Variants in SUSD4 observed in about 807,000 individuals in gnomAD.
The protein encoded by SUSD4 is sushi domain-containing protein 4.
A neutral mutation model predicts 50.5 loss-of-function variants in SUSD4; 41 were observed. That is an observed-to-expected ratio of 0.81 (90% CI 0.63 to 1.05). SUSD4 has a LOEUF of 1.05. Among genes scored for constraint, SUSD4 ranks in the 50% least tolerant of loss-of-function variants. The pLI is 0.00. For synonymous variants in SUSD4, 257 were observed against 257.3 expected (o/e 1.00, Z 0.01); for missense variants, 580 against 634.7 (o/e 0.91, Z 0.93).
At position 223,255,371 on chromosome 1, in the gene SUSD4, G is replaced by T. The variant is rs186820368; in HGVS notation, c.724+9259C>A. Among the ~76,000 whole-genome samples the T allele has an allele frequency of 2.9e-3, 441 of 152,282 alleles. 2 individuals are homozygous for T. The highest frequency in any genetic ancestry group is 6.8e-3 in the Middle Eastern group (2 of 294). ...TGAAGGCTGGGAGTCTAAAGAGGTTGGGGGGTGGGAGGTTTCTATGACCCA... is the reference window on the plus strand; with the variant it reads ...TGAAGGCTGGGAGTCTAAAGAGGTTTGGGGGTGGGAGGTTTCTATGACCCA... On this transcript the variant is annotated intron_variant, in intron 5 of 8. Transcript: ENST00000366878.
intron 3 of SUSD4, among the ~76,000 whole-genome samples, chr1:223,274,312 A>G (rs960214624): frequency 8.5e-5 from 13 of 152,212 alleles, no homozygotes; most frequent in African/African-American, 3.1e-4. Context: ...GCAAAAATCA[A>G]TGCTCTTCAG....
At chr1:223,230,290 G>A (rs1659807244) in intron 5 of SUSD4, among the ~76,000 whole-genome samples, 1 of 151,936 alleles carries the variant, frequency 6.6e-6, no homozygotes, top group Non-Finnish European at 1.5e-5. Flanking sequence ...GAAATAAACA[G>A]TGCTGCTGCT....
At chr1:223,292,996 T>C (rs749516121) in intron 2 of SUSD4, among the ~76,000 whole-genome samples, 4 of 152,136 alleles carry the variant, frequency 2.6e-5, no homozygotes, top group African/African-American at 9.7e-5. Flanking sequence ...GTGGGAGGGA[T>C]TCAAGGAGAT....
chr1:223,331,538 A>G (rs1046547561), intron 2 of SUSD4, among the ~76,000 whole-genome samples: 16 of 152,224 alleles, frequency 1.1e-4, no homozygotes, highest in African/African-American at 3.6e-4. Context: ...ACGGCCTGGC[A>G]ATCACAGTCT....
chr1:223,268,433 T>A, intron 4 of SUSD4, 69 bp downstream of exon 4: 2 of 1,534,960 alleles, frequency 1.3e-6, no homozygotes, highest in African/African-American at 1.4e-5. Context: ...TAGATAAACA[T>A]GTACACAGTC....
chr1:223,262,044 A>G (rs546791304), intron 5 of SUSD4, among the ~76,000 whole-genome samples: 2 of 152,298 alleles, frequency 1.3e-5, no homozygotes, highest in South Asian at 2.1e-4. Context: ...TGCACTGGTA[A>G]TTGATATGCT....
At chr1:223,316,959 C>A (rs376868717) in intron 2 of SUSD4, among the ~76,000 whole-genome samples, 108 of 152,242 alleles carry the variant, frequency 7.1e-4, no homozygotes, top group African/African-American at 2.5e-3. Flanking sequence ...GCAGCGCAGA[C>A]CTTGTAAAGG....
At chr1:223,235,059 G>A (rs1660123943) in intron 5 of SUSD4, 1 of 1,608,708 alleles carries the variant, frequency 6.2e-7, no homozygotes, top group Non-Finnish European at 8.5e-7. Flanking sequence ...AACCTGATGT[G>A]TGGGAAATAA....
chr1:223,346,068 C>T (rs540170402), intron 2 of SUSD4, among the ~76,000 whole-genome samples: 9 of 152,252 alleles, frequency 5.9e-5, no homozygotes, highest in African/African-American at 1.7e-4. Flanking sequence ...GATCATTCTC[C>T]GTTGTAGAGG....
At chr1:223,280,394 C>T in intron 3 of SUSD4, among the ~76,000 whole-genome samples, 1 of 137,568 alleles carries the variant, frequency 7.3e-6, no homozygotes, top group Non-Finnish European at 1.5e-5. Flanking sequence ...GGAGGAAGAT[C>T]TACCAAGCGA....
chr1:223,301,817 T>C (rs41371046), intron 2 of SUSD4, among the ~76,000 whole-genome samples: 111,428 of 152,088 alleles, frequency 0.73, 40,884 homozygotes, highest in Non-Finnish European at 0.76. Context: ...CGTGTCAGTT[T>C]CTGAGGATCT....
chr1:223,271,091 G>A (rs565246295), intron 3 of SUSD4, among the ~76,000 whole-genome samples: 37 of 152,120 alleles, frequency 2.4e-4, no homozygotes, highest in Non-Finnish European at 4.0e-4. Context: ...CAAGGCATCC[G>A]TCTGTAAAAT....
At chr1:223,338,815 G>C (rs959337308) in intron 2 of SUSD4, among the ~76,000 whole-genome samples, 3 of 152,224 alleles carry the variant, frequency 2.0e-5, no homozygotes, top group African/African-American at 7.2e-5. Flanking sequence ...TCTGAGGGAA[G>C]AATATAACTG....
intron 2 of SUSD4, among the ~76,000 whole-genome samples, chr1:223,297,669 TCTC>T (rs1179546050): frequency 6.6e-6 from 1 of 152,150 alleles, no homozygotes; most frequent in African/African-American, 2.4e-5. Context: ...AGGCCTCTCT[TCTC>T]ATCAAGGCAA....
In SUSD4 at chr1:223,221,141, G is replaced by GC; in HGVS notation, c.*1050_*1051insG. 1 of 400,820 alleles carries GC rather than the reference G, an allele frequency of 2.5e-6. No individual in the cohort carries two copies. The highest frequency in any genetic ancestry group is 4.4e-6 in the Non-Finnish European group (1 of 226,246). 24.8% of individuals were successfully genotyped at this position (400,820 alleles called of 1,614,324 possible). On this transcript the variant is annotated 3_prime_UTR_variant, in exon 9 of 9. Coordinates refer to ENST00000366878, the MANE Select transcript of SUSD4 (RefSeq NM_017982.4). Reference sequence around the variant, plus strand: ...GGTGGCTGAGCTATCTGGGCTGGGAGGCCAGCCTCCTGGAATCTTAGGACA... The same window carrying GC: ...GGTGGCTGAGCTATCTGGGCTGGGAGCGCCAGCCTCCTGGAATCTTAGGACA...
At chr1:223,265,193 G>T (rs1662407484) in intron 4 of SUSD4, among the ~76,000 whole-genome samples, 1 of 152,164 alleles carries the variant, frequency 6.6e-6, no homozygotes, top group African/African-American at 2.4e-5. Flanking sequence ...AGGCTCTGAG[G>T]ACAGGTTGAG....
chr1:223,289,238 C>T (rs1664330892), intron 3 of SUSD4: 1 of 985,312 alleles, frequency 1.0e-6, no homozygotes, highest in Admixed American at 6.1e-5. Context: ...CATTTTCACC[C>T]ATGCTTGGGG....
chr1:223,278,033 C>T (rs1663403607), intron 3 of SUSD4, among the ~76,000 whole-genome samples: 1 of 152,140 alleles, frequency 6.6e-6, no homozygotes, highest in Non-Finnish European at 1.5e-5. Context: ...ATGTACTTTT[C>T]CTAAGTTCTG....
intron 8 of SUSD4, 21 bp from the exon 9 acceptor site, chr1:223,222,241 AT>A (rs2102984924): frequency 6.2e-7 from 1 of 1,612,920 alleles, no homozygotes; most frequent in East Asian, 2.2e-5. Flanking sequence ...AGAGACGGTT[AT>A]TAGCTTAACA....
Sources: allele counts gnomAD v4.1 joint callset (sites outside exome capture counted in the v4.1 genomes callset), GRCh38; gene constraint gnomAD v4.1.1; transcripts MANE v1.5; gene names NCBI Gene and HGNC (gene_info 2026-07-23, HGNC 2026-07-21).